The following NOVA1 variants were observed in gnomAD, a reference collection of about 807,000 sequenced individuals.
NOVA1 encodes NOVA alternative splicing regulator 1.
Under a neutral mutation model 38.0 loss-of-function variants are expected in NOVA1, and 7 were observed. The ratio of observed to expected loss-of-function variants is 0.18; its 90% CI spans 0.10 to 0.35. The LOEUF is 0.35. NOVA1 is among the 10% of genes least tolerant of loss of function. The pLI, the probability that NOVA1 is intolerant of heterozygous loss-of-function variation, is 1.00. For missense variants in NOVA1, 460 were observed against 616.0 expected, an observed-to-expected ratio of 0.75 and a Z score of 2.68; for synonymous variants, 270 against 232.5, an observed-to-expected ratio of 1.16 and a Z score of -1.47.
chr14:26,593,253 G>A (rs1354261383), intron 2 of NOVA1: 2 of 151,756 alleles, frequency 1.3e-5, no homozygotes, highest in East Asian at 3.9e-4. Flanking sequence ...CTGAGTAAGA[G>A]AAACTGAAAA....
chr14:26,463,981 C>A (rs928704916), intron 4 of NOVA1, among the ~76,000 whole-genome samples: 1 of 152,050 alleles, frequency 6.6e-6, no homozygotes, highest in Non-Finnish European at 1.5e-5. Context: ...GACAACTCTG[C>A]GAGGTAGGTA....
At chr14:26,491,344 TA>T in intron 2 of NOVA1, among the ~76,000 whole-genome samples, 1 of 152,150 alleles carries the variant, frequency 6.6e-6, no homozygotes, top group East Asian at 1.9e-4. Context: ...TTCTGGATAT[TA>T]AAGTTATTGT....
chr14:26,519,139 T>A (rs1888688387), intron 2 of NOVA1: 1 of 152,142 alleles, frequency 6.6e-6, no homozygotes, highest in South Asian at 2.1e-4. Flanking sequence ...TTTTGAAATG[T>A]ATTTCAAATT....
intron 2 of NOVA1, among the ~76,000 whole-genome samples, chr14:26,551,387 C>A (rs1290303360): frequency 6.6e-6 from 1 of 152,008 alleles, no homozygotes; most frequent in South Asian, 2.1e-4. Flanking sequence ...AAAGAGCTAC[C>A]TCAAATAACT....
rs142698838 is a variant in NOVA1, at chr14:26,546,403, A to T, written c.280+49007T>A. On this transcript the variant is annotated intron_variant, in intron 2 of 4. Transcript: ENST00000539517. ...AAATCTGATAAGAAAAATAATTTTT[A>T]AAAAATTATCTATTTGAGAGGGATA... Among the ~76,000 whole-genome samples the T allele has an allele frequency of 3.8e-3, 585 of 152,252 alleles. 7 individuals carry two copies. Among genetic ancestry groups the T allele is most frequent in the African/African-American group, 0.013 (559 of 41,562 alleles).
chr14:26,596,461 G>A (rs1284400901), intron 1 of NOVA1: 2 of 1,021,608 alleles, frequency 2.0e-6, no homozygotes, highest in East Asian at 6.0e-5. Context: ...TTATACAGGA[G>A]ACACCCCGGT....
chr14:26,490,352 T>C (rs976394029), intron 2 of NOVA1, among the ~76,000 whole-genome samples: 5 of 152,200 alleles, frequency 3.3e-5, no homozygotes, highest in African/African-American at 1.2e-4. Context: ...TTCTCAATTA[T>C]TCTGTGTACA....
chr14:26,583,782 A>G (rs1893357554), intron 2 of NOVA1, among the ~76,000 whole-genome samples: 1 of 151,404 alleles, frequency 6.6e-6, no homozygotes, highest in East Asian at 1.9e-4. Flanking sequence ...ATTACATAAC[A>G]GAGAATCCAC....
At chr14:26,460,703 A>G (rs1214497553) in intron 4 of NOVA1, among the ~76,000 whole-genome samples, 1 of 152,134 alleles carries the variant, frequency 6.6e-6, no homozygotes, top group African/African-American at 2.4e-5. Flanking sequence ...TCTGAGGTCA[A>G]AACAAGGAAA....
At chr14:26,580,821 A>T (rs1893168949) in intron 2 of NOVA1, among the ~76,000 whole-genome samples, 1 of 152,038 alleles carries the variant, frequency 6.6e-6, no homozygotes, top group African/African-American at 2.4e-5. Context: ...TATGAAAAAA[A>T]CACTTCAATT....
At chr14:26,568,220 GT>G (rs1892254359) in intron 2 of NOVA1, among the ~76,000 whole-genome samples, 1 of 152,148 alleles carries the variant, frequency 6.6e-6, no homozygotes, top group Non-Finnish European at 1.5e-5. Context: ...CTATCAGGTA[GT>G]AACCTAGAAT....
chr14:26,568,997 C>T (rs1481551540), intron 2 of NOVA1, among the ~76,000 whole-genome samples: 1 of 152,102 alleles, frequency 6.6e-6, no homozygotes, highest in African/African-American at 2.4e-5. Flanking sequence ...TTGTTCCCAA[C>T]TATAAATGAC....
chr14:26,594,256 T>C (rs539139803), intron 2 of NOVA1: 2 of 152,144 alleles, frequency 1.3e-5, no homozygotes, highest in South Asian at 2.1e-4. Flanking sequence ...AACTAAATGA[T>C]AGTTTCAACC....
intron 2 of NOVA1, among the ~76,000 whole-genome samples, chr14:26,586,694 A>G (rs1346145462): frequency 6.6e-6 from 1 of 151,260 alleles, no homozygotes; most frequent in East Asian, 1.9e-4. Context: ...GCAGAAATCT[A>G]ATCACCATAA....
At chr14:26,571,144 AATAT>A (rs764542201) in intron 2 of NOVA1, among the ~76,000 whole-genome samples, 2 of 149,098 alleles carry the variant, frequency 1.3e-5, no homozygotes, top group African/African-American at 2.4e-5. Context: ...TATGGATTAA[AATAT>A]ATATATATAT....
chr14:26,491,837 T>C (rs1886372620), intron 2 of NOVA1, among the ~76,000 whole-genome samples: 1 of 152,208 alleles, frequency 6.6e-6, no homozygotes, highest in African/African-American at 2.4e-5. Context: ...TTACTGTATC[T>C]TTACAGTAAG....
At chr14:26,564,515 G>T (rs970230441) in intron 2 of NOVA1, among the ~76,000 whole-genome samples, 2 of 152,098 alleles carry the variant, frequency 1.3e-5, no homozygotes, top group Non-Finnish European at 2.9e-5. Flanking sequence ...GTGGCAGAAG[G>T]CTCCAGAAAC....
In NOVA1 at chr14:26,448,177, T is replaced by C. The variant is rs764356484; in HGVS notation, c.1306A>G (p.Ile436Val). ...IAVPENLVGA[I>V]LGKGGKTLVE... ...AATGTTTTCCCTCCTTTGCCAAGTA[T>C]TGCACCAACTAAGTTTTCTGGCACT... The change falls in exon 5 of 5, where the codon ATA (isoleucine) becomes GTA (valine). Residue 436 changes from isoleucine (I) to valine (V), a missense_variant. Physicochemically the swap from Ile to Val is conservative, Grantham distance 29 (BLOSUM62 3). Transcript: ENST00000539517. The surrounding 1 kb of genome is among the most constrained non-coding windows in gnomAD (Gnocchi z 5.3). The C allele has an allele frequency of 6.2e-7, 1 of 1,614,104 alleles. No individual in the cohort carries two copies. Among genetic ancestry groups the C allele is most frequent in the African/African-American group, 1.3e-5 (1 of 74,940 alleles).
At chr14:26,481,998 A>T (rs1211726063) in intron 2 of NOVA1, among the ~76,000 whole-genome samples, 8 of 33,796 alleles carry the variant, frequency 2.4e-4, no homozygotes, top group East Asian at 1.1e-3. Flanking sequence ...TAAAAAAAAA[A>T]AAAAAAAAAA....
Sources: gnomAD v4.1 joint callset for allele counts (sites outside exome capture counted in the v4.1 genomes callset) on GRCh38, gnomAD v4.1.1 for gene constraint, Gnocchi (gnomAD v3.1) non-coding constraint, MANE v1.5 for transcripts, NCBI Gene and HGNC (gene_info 2026-07-23, HGNC 2026-07-21) for gene names.